CTH: variants seen among roughly 807,000 people sequenced by gnomAD.
The protein encoded by CTH is cystathionine gamma-lyase.
A neutral mutation model predicts 50.6 loss-of-function variants in CTH; 41 were observed. The ratio of observed to expected loss-of-function variants is 0.81; its 90% confidence interval spans 0.63 to 1.05. The LOEUF (loss-of-function observed/expected upper bound fraction) is 1.05, where lower values mean the gene tolerates loss of function less well. CTH is among the 50% of genes least tolerant of loss of function. CTH has a pLI of 0.00. For synonymous variants in CTH, 156 were observed against 168.9 expected (o/e 0.92, Z 0.59); for missense variants, 470 against 492.6 (o/e 0.95, Z 0.43).
intron 4 of CTH, 149 bp from the exon 5 acceptor site, chr1:70,424,136 T>G: frequency 1.4e-6 from 2 of 1,447,960 alleles, no homozygotes; most frequent in Non-Finnish European, 1.9e-6. Context: ...AATTTGCAGG[T>G]AAGGCTGGGA....
intron 1 of CTH, among the ~76,000 whole-genome samples, chr1:70,412,612 GAA>G (rs968366204): frequency 6.6e-5 from 10 of 152,220 alleles, no homozygotes; most frequent in African/African-American, 1.7e-4. Context: ...AACAACAACA[GAA>G]AAAGAGAACA....
chr1:70,431,645 T>G (rs1393944798), intron 7 of CTH, among the ~76,000 whole-genome samples: 2 of 152,244 alleles, frequency 1.3e-5, no homozygotes, highest in East Asian at 3.8e-4. Context: ...TGGAGGCATG[T>G]GAAATCATTG....
intron 4 of CTH, among the ~76,000 whole-genome samples, chr1:70,423,407 A>T (rs114273130): frequency 0.033 from 4,957 of 151,740 alleles, 272 homozygotes; most frequent in African/African-American, 0.11. Context: ...AAAAAAAAAA[A>T]AATAATAATA....
intron 5 of CTH, among the ~76,000 whole-genome samples, chr1:70,426,204 A>G (rs1684342984): frequency 6.6e-6 from 1 of 151,702 alleles, no homozygotes. Flanking sequence ...GGATCTCTTT[A>G]TAATTAACTT....
chr1:70,433,466 T>C (rs72680738), intron 8 of CTH, among the ~76,000 whole-genome samples: 12,406 of 152,130 alleles, frequency 0.082, 789 homozygotes, highest in East Asian at 0.3. Flanking sequence ...ATCCAATTAG[T>C]AACAAAAGAA....
In CTH at chr1:70,411,284, C is replaced by T. The variant is rs534645932; in HGVS notation, c.-132C>T. On this transcript the variant is annotated 5_prime_UTR_variant, in exon 1 of 12. Transcript: ENST00000370938. ...TCGCTGTGTGCCGCTTTAGTGCGCT[C>T]GCCGTCGGCTCTACCTGCGTGCTTT... is the stretch of plus-strand genomic sequence containing the variant. 9.0e-6 allele frequency: 8 copies of T among 886,930 alleles called. No homozygotes were observed. Among genetic ancestry groups the T allele is most frequent in the African/African-American group, 1.6e-5 (1 of 61,008 alleles). 54.9% of individuals were successfully genotyped at this position (886,930 alleles called of 1,614,324 possible). A position where few individuals can be genotyped will look rare whatever the true frequency, so the allele number is the denominator to read the frequency against.
intron 5 of CTH, 87 bp from the exon 6 acceptor site, chr1:70,429,707 G>A: frequency 1.1e-6 from 1 of 945,724 alleles, no homozygotes; most frequent in Non-Finnish European, 1.7e-6. Context: ...ATTAGAATAA[G>A]AATGGAATTT....
intron 5 of CTH, among the ~76,000 whole-genome samples, chr1:70,429,102 T>G (rs76461308): frequency 0.026 from 3,965 of 152,300 alleles, 69 homozygotes; most frequent in Middle Eastern, 0.048. Flanking sequence ...TCTAGATTTC[T>G]TGTAATACCT....
rs765540452 is a variant in CTH, at chr1:70,413,739, CTTTTTTTTT to C, written c.168+2168_168+2176del. 2.0e-4 allele frequency among the ~76,000 whole-genome samples: 24 copies of C among 118,212 alleles called. 1 individual carries two copies. The highest frequency in any genetic ancestry group is 1.7e-5 in the Non-Finnish European group (1 of 58,110). 77.6% of individuals were successfully genotyped at this position (118,212 alleles called of 152,430 possible). ...AATCCACAAAAACTCTGCTTAATAT[CTTTTTTTTT>C]TTTTTTTTTTTGAGACAGAGTCTTG... is the stretch of plus-strand genomic sequence containing the variant. On this transcript the variant is annotated intron_variant, in intron 1 of 11. Coordinates refer to ENST00000370938, the MANE Select transcript of CTH (RefSeq NM_001902.6).
At chr1:70,435,004 G>A in intron 9 of CTH, 121 bp from the exon 10 acceptor site, 1 of 815,998 alleles carries the variant, frequency 1.2e-6, no homozygotes, top group Non-Finnish European at 1.8e-6. Context: ...GCCTGACTTG[G>A]CCTCCCAAAG....
chr1:70,414,558 GTTA>G (rs986445218), intron 1 of CTH, among the ~76,000 whole-genome samples: 2 of 152,106 alleles, frequency 1.3e-5, no homozygotes, highest in African/African-American at 4.8e-5. Context: ...ACTTTTAGAA[GTTA>G]TTGTTGTTAA....
intron 10 of CTH, among the ~76,000 whole-genome samples, chr1:70,435,736 C>G (rs565965551): frequency 1.4e-4 from 21 of 152,070 alleles, no homozygotes; most frequent in Non-Finnish European, 2.5e-4. Context: ...CTAACCCAAT[C>G]AATTCATCTA....
At chr1:70,424,094 A>G (rs12566819) in intron 4 of CTH, among the ~76,000 whole-genome samples, 191 bp from the exon 5 acceptor site, 14 of 152,216 alleles carry the variant, frequency 9.2e-5, no homozygotes, top group East Asian at 3.8e-4. Flanking sequence ...TATACAGATC[A>G]ATAGGATACA....
rs766372153 is a variant in CTH at position 70,438,770 on chromosome 1, G to C, written c.1135G>C (p.Gly379Arg). 1.2e-6 allele frequency: 2 copies of C among 1,613,896 alleles called. No individual in the cohort carries two copies. Among genetic ancestry groups the C allele is most frequent in the South Asian group, 2.2e-5 (2 of 91,074 alleles). The change falls in exon 11 of 12, where the codon GGC becomes CGC. Residue 379 changes from glycine (G) to arginine (R), a missense_variant. Gly to Arg is a moderately radical substitution (Grantham distance 125). Coordinates refer to ENST00000370938, the MANE Select transcript of CTH (RefSeq NM_001902.6). The stretch of plus-strand genomic sequence containing the variant: ...TGACACACTGATTCGACTTTCTGTG[G>C]GCTTAGAGGATGAGGAAGACCTACT... ...ISDTLIRLSV[G>R]LEDEEDLLED...
At chr1:70,427,381 A>T (rs1684367525) in intron 5 of CTH, among the ~76,000 whole-genome samples, 1 of 152,104 alleles carries the variant, frequency 6.6e-6, no homozygotes, top group African/African-American at 2.4e-5. Flanking sequence ...TACTGATTTT[A>T]TTGAGTTAGG....
chr1:70,428,851 G>A (rs1193435923), intron 5 of CTH, among the ~76,000 whole-genome samples: 3 of 152,022 alleles, frequency 2.0e-5, no homozygotes, highest in East Asian at 1.9e-4. Context: ...GGCCTCAAGT[G>A]ATCCACCCAC....
intron 1 of CTH, among the ~76,000 whole-genome samples, chr1:70,413,783 C>G (rs1265938643): frequency 2.7e-5 from 4 of 146,456 alleles, no homozygotes; most frequent in African/African-American, 1.0e-4. Flanking sequence ...GCTCTCTTGC[C>G]CAGGCTGGAG....
At chr1:70,432,307 C>T (rs1684494508) in intron 8 of CTH, 72 bp downstream of exon 8, 2 of 1,563,060 alleles carry the variant, frequency 1.3e-6, no homozygotes, top group Admixed American at 3.4e-5. Context: ...GTTTATGTAA[C>T]ATTTATTTGT....
At chr1:70,418,537 G>A (rs144042501) in intron 3 of CTH, among the ~76,000 whole-genome samples, 27 of 152,268 alleles carry the variant, frequency 1.8e-4, no homozygotes, top group Non-Finnish European at 2.4e-4. Flanking sequence ...GGCGCGAGCC[G>A]CCTCACCTGG....
Sources: gnomAD v4.1 joint callset for allele counts (sites outside exome capture counted in the v4.1 genomes callset) on GRCh38, gnomAD v4.1.1 for gene constraint, MANE v1.5 for transcripts, NCBI Gene and HGNC (gene_info 2026-07-23, HGNC 2026-07-21) for gene names.